The following DOP1B variants were observed in gnomAD, a reference collection of about 807,000 sequenced individuals.
DOP1B encodes the protein protein DOP1B.
DOP1B carries 174 observed loss-of-function variants against 233.5 expected under a neutral mutation model. The ratio of observed to expected loss-of-function variants is 0.75; its 90% CI spans 0.66 to 0.85. DOP1B has a LOEUF of 0.85. Ranked by LOEUF, DOP1B falls within the 40% of genes least tolerant of loss-of-function variation. The probability of loss-of-function intolerance (pLI) is 0.00; values close to 1 mark genes in which losing one functional copy is unlikely to be tolerated. For missense variants in DOP1B, 2,652 were observed against 2,846.6 expected, an observed-to-expected ratio of 0.93 and a Z score of 1.56; for synonymous variants, 1,190 against 1,185.6, an observed-to-expected ratio of 1.00 and a Z score of -0.08.
intron 12 of DOP1B, 145 bp from the exon 13 acceptor site, chr21:36,227,541 T>C (rs931560056): frequency 3.0e-5 from 22 of 734,986 alleles, no homozygotes; most frequent in South Asian, 9.6e-5. Context: ...AGCAAGACTC[T>C]GTCAAAAAAA....
Position 36,267,625 on chromosome 21 carries a change from CTTT to C in DOP1B, c.5488-2372_5488-2370del, listed in dbSNP as rs3029062. 5.6e-3 allele frequency among the ~76,000 whole-genome samples: 650 copies of C among 116,928 alleles called. 7 individuals are homozygous for C. Among genetic ancestry groups the C allele is most frequent in the African/African-American group, 0.021 (607 of 28,898 alleles). 76.7% of individuals were successfully genotyped at this position (116,928 alleles called of 152,430 possible). ...CCAGGAGGTCGAGGCTGCAGTGAGA[CTTT>C]TTTTTTTTTTTTTTTGAGATGGAGT... On this transcript the variant is annotated intron_variant, in intron 26 of 36. Transcript: ENST00000691173.
chr21:36,194,932 A>G (rs997321450), intron 2 of DOP1B, among the ~76,000 whole-genome samples: 6 of 152,148 alleles, frequency 3.9e-5, no homozygotes, highest in African/African-American at 1.4e-4. Flanking sequence ...TGGGCTGGGT[A>G]CAGTGGCTGA....
intron 32 of DOP1B, among the ~76,000 whole-genome samples, chr21:36,282,968 AAAAT>A (rs771543727): frequency 6.6e-6 from 1 of 152,008 alleles, no homozygotes; most frequent in Non-Finnish European, 1.5e-5. Flanking sequence ...CTCCATTGCA[AAAAT>A]AAATAAATAA....
intron 27 of DOP1B, among the ~76,000 whole-genome samples, chr21:36,274,064 A>C (rs1444936109): frequency 1.3e-5 from 2 of 151,734 alleles, no homozygotes; most frequent in Non-Finnish European, 2.9e-5. Flanking sequence ...GGCAACAGAG[A>C]CTCTGTCTCA....
intron 5 of DOP1B, 112 bp downstream of exon 5, chr21:36,209,016 C>A: frequency 8.1e-7 from 1 of 1,236,298 alleles, no homozygotes. Flanking sequence ...AAGGGAGGTG[C>A]ACCAAGCTTA....
intron 4 of DOP1B, among the ~76,000 whole-genome samples, chr21:36,204,013 T>TAA (rs889076516): frequency 3.9e-5 from 6 of 152,220 alleles, no homozygotes; most frequent in African/African-American, 1.2e-4. Flanking sequence ...AAATGGTTTG[T>TAA]AAGAAGGCAA....
chr21:36,159,743 C>T (rs959460394), intron 1 of DOP1B, among the ~76,000 whole-genome samples: 5 of 152,162 alleles, frequency 3.3e-5, no homozygotes, highest in African/African-American at 4.8e-5. Flanking sequence ...CACACCTTAT[C>T]GTCAATACAC....
chr21:36,230,614 T>C lies in DOP1B; in HGVS notation c.1830T>C (p.Ser610=), dbSNP rs1267340564. 3.1e-6 allele frequency: 5 copies of C among 1,614,072 alleles called. No individual in the cohort carries two copies. Among genetic ancestry groups the C allele is most frequent in the Non-Finnish European group, 4.2e-6 (5 of 1,180,046 alleles). Residue 610 remains serine (S), a synonymous_variant, in exon 14 of 37, where the codon TCT becomes TCC. Coordinates refer to ENST00000691173, the MANE Select transcript of DOP1B (RefSeq NM_001320714.2). ...AGCACTTGAGGGTTCCTCGAGTTTCTCTGGAAAGGGACGACGTTTGGAAGA... is the reference window on the plus strand; with the variant it reads ...AGCACTTGAGGGTTCCTCGAGTTTCCCTGGAAAGGGACGACGTTTGGAAGA... The part of the protein sequence containing the change: ...LSEHLRVPRV[S]LERDDVWKKG...
intron 26 of DOP1B, among the ~76,000 whole-genome samples, chr21:36,266,170 TTTTA>T (rs994220149): frequency 1.3e-4 from 20 of 152,156 alleles, no homozygotes; most frequent in African/African-American, 4.1e-4. Flanking sequence ...GAACAGTTTA[TTTTA>T]TTTATTTATT....
chr21:36,213,477 C>CA (rs1342908762), intron 7 of DOP1B, among the ~76,000 whole-genome samples: 2 of 151,416 alleles, frequency 1.3e-5, no homozygotes, highest in African/African-American at 2.4e-5. Flanking sequence ...TAATGCTGGA[C>CA]AAAAAAACAC....
intron 5 of DOP1B, among the ~76,000 whole-genome samples, chr21:36,210,599 T>G (rs2066485072): frequency 6.6e-6 from 1 of 151,938 alleles, no homozygotes; most frequent in Non-Finnish European, 1.5e-5. Context: ...GAGCTAAGAT[T>G]GCACCACTGC....
chr21:36,277,326 A>C (rs1279350397), intron 28 of DOP1B, among the ~76,000 whole-genome samples: 1 of 152,086 alleles, frequency 6.6e-6, no homozygotes, highest in Non-Finnish European at 1.5e-5. Flanking sequence ...CTCTGTTGCC[A>C]GGCTGGAGTG....
At chr21:36,248,606 T>C in intron 21 of DOP1B, 38 bp downstream of exon 21, 1 of 1,557,568 alleles carries the variant, frequency 6.4e-7, no homozygotes, top group Non-Finnish European at 8.7e-7. Context: ...ATTTACTTGG[T>C]CTTGTATTGT....
At chr21:36,159,784 T>C (rs970712435) in intron 1 of DOP1B, among the ~76,000 whole-genome samples, 1 of 152,206 alleles carries the variant, frequency 6.6e-6, no homozygotes, top group African/African-American at 2.4e-5. Context: ...CTGGTAACTC[T>C]AGCTGCCCAC....
rs544063813 is a variant in DOP1B, at chr21:36,245,400, C to G, written c.3420C>G (p.Asn1140Lys). Residue 1140 changes from asparagine to lysine, a missense_variant, in exon 19 of 37, where the codon AAC (asparagine) becomes AAG (lysine). Physicochemically the swap from Asn to Lys is moderately conservative, Grantham distance 94. Coordinates refer to ENST00000691173, the MANE Select transcript of DOP1B (RefSeq NM_001320714.2). The surrounding 1 kb of genome is among the most constrained non-coding windows in gnomAD (Gnocchi z 5.5). Reference protein sequence around the residue: ...SPSHDLQELSNEENCCAPIPM... With the variant: ...SPSHDLQELSKEENCCAPIPM... ...CCCACGACCTGCAGGAGCTGAGCAA[C>G]GAAGAGAACTGCTGTGCACCCATCC... is the stretch of plus-strand genomic sequence containing the variant. The G allele has an allele frequency of 1.2e-6, 2 of 1,614,086 alleles. No homozygotes were observed. Among genetic ancestry groups the G allele is most frequent in the South Asian group, 1.1e-5 (1 of 91,082 alleles).
chr21:36,231,766 C>T (rs2066768178), intron 14 of DOP1B, among the ~76,000 whole-genome samples: 1 of 151,444 alleles, frequency 6.6e-6, no homozygotes. Context: ...CAACCTCCGC[C>T]TCCTGGGTTC....
At chr21:36,239,708 G>A in intron 17 of DOP1B, 57 bp from the exon 18 acceptor site, 3 of 1,475,456 alleles carry the variant, frequency 2.0e-6, no homozygotes, top group Non-Finnish European at 2.7e-6. Context: ...GTCTGCCACG[G>A]TGCCTGGCGC....
intron 4 of DOP1B, 65 bp downstream of exon 4, chr21:36,200,566 G>T: frequency 4.0e-6 from 6 of 1,512,030 alleles, no homozygotes; most frequent in Non-Finnish European, 5.3e-6. Context: ...GGAGGGGGCC[G>T]GGCGCAGTGG....
intron 28 of DOP1B, 112 bp downstream of exon 28, chr21:36,277,212 G>C (rs894300753): frequency 7.7e-6 from 8 of 1,034,874 alleles, no homozygotes; most frequent in Non-Finnish European, 1.1e-5. Context: ...CACCCTCCCA[G>C]GTGAGCTCGT....
Sources: allele counts gnomAD v4.1 joint callset (sites outside exome capture counted in the v4.1 genomes callset), GRCh38; gene constraint gnomAD v4.1.1; non-coding constraint Gnocchi (gnomAD v3.1); transcripts MANE v1.5; gene names NCBI Gene and HGNC (gene_info 2026-07-23, HGNC 2026-07-21).